PDK1: variants seen among roughly 807,000 people sequenced by gnomAD.
The protein encoded by PDK1 is [Pyruvate dehydrogenase (acetyl-transferring)] kinase isozyme 1, mitochondrial.
PDK1 carries 39 observed loss-of-function variants against 54.2 expected under a neutral mutation model. The ratio of observed to expected loss-of-function variants is 0.72; its 90% CI spans 0.56 to 0.94. PDK1 has a LOEUF of 0.94. Ranked by LOEUF, PDK1 falls within the 40% of genes least tolerant of loss-of-function variation. The pLI, the probability that PDK1 is intolerant of heterozygous loss-of-function variation, is 0.00. For missense variants in PDK1, 552 were observed against 566.0 expected, an observed-to-expected ratio of 0.98 and a Z score of 0.25; for synonymous variants, 221 against 207.1, an observed-to-expected ratio of 1.07 and a Z score of -0.58.
the PDK1 span, among the ~76,000 whole-genome samples, chr2:172,654,834 C>A: frequency 3.3e-5 from 5 of 152,116 alleles, no homozygotes; most frequent in Non-Finnish European, 7.4e-5. Flanking sequence ...AGTCTACGGC[C>A]TCCCTACCTG....
chr2:172,559,804 T>C (rs1688559032), intron 2 of PDK1, among the ~76,000 whole-genome samples: 3 of 151,930 alleles, frequency 2.0e-5, no homozygotes, highest in Non-Finnish European at 4.4e-5. Context: ...CCACCTTGGC[T>C]TCCCAAAGTG....
At chr2:172,568,009 C>T (rs1384901045) in intron 6 of PDK1, among the ~76,000 whole-genome samples, 13 of 152,142 alleles carry the variant, frequency 8.5e-5, no homozygotes, top group Admixed American at 8.5e-4. Flanking sequence ...AAACAATATT[C>T]CACCCAGGTG....
chr2:172,698,506 T>C, the PDK1 span, among the ~76,000 whole-genome samples: 1 of 152,244 alleles, frequency 6.6e-6, no homozygotes, highest in Non-Finnish European at 1.5e-5. Flanking sequence ...TGTCATGTGT[T>C]AACTGCATTC....
upstream of PDK1, chr2:172,555,501 A>G (rs1218076769): frequency 6.6e-6 from 1 of 152,204 alleles, no homozygotes; most frequent in Non-Finnish European, 1.5e-5. Flanking sequence ...GATACTATTT[A>G]GGGCCACACG....
At chr2:172,572,090 G>A (rs957860309) in intron 8 of PDK1, among the ~76,000 whole-genome samples, 3 of 151,902 alleles carry the variant, frequency 2.0e-5, no homozygotes, top group African/African-American at 7.3e-5. Context: ...TCGGCCTCCC[G>A]AAGTGCTGGG....
the PDK1 span, among the ~76,000 whole-genome samples, chr2:172,721,721 C>A: frequency 6.6e-6 from 1 of 152,200 alleles, no homozygotes; most frequent in African/African-American, 2.4e-5. Flanking sequence ...ATAATTTTCA[C>A]TATCCAAAAT....
At chr2:172,654,294 T>C in the PDK1 span, among the ~76,000 whole-genome samples, 97,089 of 152,046 alleles carry the variant, frequency 0.64, 32,317 homozygotes, top group Non-Finnish European at 0.74. Flanking sequence ...ATTATAAATC[T>C]TGCTGCTATA....
At chr2:172,714,202 A>G in the PDK1 span, among the ~76,000 whole-genome samples, 1 of 152,266 alleles carries the variant, frequency 6.6e-6, no homozygotes, top group Non-Finnish European at 1.5e-5. Flanking sequence ...ATAAGTTTAA[A>G]TAGTAACAAA....
At chr2:172,653,083 A>G in the PDK1 span, among the ~76,000 whole-genome samples, 1 of 152,240 alleles carries the variant, frequency 6.6e-6, no homozygotes, top group African/African-American at 2.4e-5. Context: ...CTACAAGGCT[A>G]TGGTAACCAA....
chr2:172,590,029 T>A lies in PDK1; in HGVS notation c.1057-2906T>A, dbSNP rs886329450. ...TTTTAGAAGCTTAGGTTTTGATTTCTAAGACAGTGGGGTAGGGGTGGTGGG... is the reference window on the plus strand; with the variant it reads ...TTTTAGAAGCTTAGGTTTTGATTTCAAAGACAGTGGGGTAGGGGTGGTGGG... On this transcript the variant is annotated intron_variant, in intron 9 of 10. Transcript: ENST00000282077. 4.6e-5 allele frequency among the ~76,000 whole-genome samples: 7 copies of A among 152,304 alleles called. No individual in the cohort carries two copies. In the East Asian group the frequency reaches 1.2e-3, roughly 25 times the overall value.
intron 8 of PDK1, among the ~76,000 whole-genome samples, chr2:172,576,029 G>A (rs993442934): frequency 2.0e-5 from 3 of 151,962 alleles, no homozygotes; most frequent in African/African-American, 2.4e-5. Flanking sequence ...CCGAGTTCAC[G>A]CCATTCTCCT....
At chr2:172,694,485 T>A in the PDK1 span, among the ~76,000 whole-genome samples, 1 of 152,214 alleles carries the variant, frequency 6.6e-6, no homozygotes, top group East Asian at 1.9e-4. Context: ...TGTGTGGAGT[T>A]TGCACAGACT....
chr2:172,702,288 C>T, the PDK1 span, among the ~76,000 whole-genome samples: 2 of 152,046 alleles, frequency 1.3e-5, no homozygotes, highest in African/African-American at 4.8e-5. Flanking sequence ...ACCAGCCTGG[C>T]CAAGATGGTG....
At chr2:172,618,537 GAAGAA>G in the PDK1 span, among the ~76,000 whole-genome samples, 1 of 152,116 alleles carries the variant, frequency 6.6e-6, no homozygotes, top group African/African-American at 2.4e-5. Flanking sequence ...GATGAATAAA[GAAGAA>G]AAGAATAATA....
the PDK1 span, among the ~76,000 whole-genome samples, chr2:172,707,085 C>T: frequency 6.6e-6 from 1 of 152,194 alleles, no homozygotes; most frequent in Admixed American, 6.5e-5. Context: ...AGTTCTGACT[C>T]TCTGGTAGGC....
chr2:172,621,630 C>T, the PDK1 span, among the ~76,000 whole-genome samples: 1 of 142,814 alleles, frequency 7.0e-6, no homozygotes, highest in Admixed American at 7.2e-5. Context: ...GTTTATATAT[C>T]ATATGTTTAT....
intron 3 of PDK1, chr2:172,562,662 C>T: frequency 2.5e-6 from 2 of 801,736 alleles, no homozygotes; most frequent in South Asian, 3.0e-5. Flanking sequence ...TAAAGGAAAG[C>T]TACAAGTCTA....
At chr2:172,627,380 A>C in the PDK1 span, among the ~76,000 whole-genome samples, 1 of 152,244 alleles carries the variant, frequency 6.6e-6, no homozygotes, top group Non-Finnish European at 1.5e-5. Context: ...AGTTTATAGA[A>C]ATGAGCAGAG....
the PDK1 span, among the ~76,000 whole-genome samples, chr2:172,631,302 G>A: frequency 6.6e-6 from 1 of 152,236 alleles, no homozygotes; most frequent in Admixed American, 6.5e-5. Flanking sequence ...TGTGCCAGAT[G>A]TGTACTGATT....
Sources: allele counts gnomAD v4.1 joint callset (sites outside exome capture counted in the v4.1 genomes callset), GRCh38; gene constraint gnomAD v4.1.1; transcripts MANE v1.5; gene names NCBI Gene and HGNC (gene_info 2026-07-23, HGNC 2026-07-21).